Variants in GRM7 observed in about 807,000 individuals in gnomAD.
GRM7 encodes the protein glutamate metabotropic receptor 7.
A neutral mutation model predicts 84.5 loss-of-function variants in GRM7; 35 were observed. The observed-to-expected ratio is 0.41, with a 90% CI of 0.32 to 0.55. The LOEUF is 0.55. GRM7 is among the 20% of genes least tolerant of loss of function. GRM7 has a pLI of 0.19. For missense variants in GRM7, 1,003 were observed against 1,194.6 expected (o/e 0.84, Z 2.36); for synonymous variants, 487 against 455.1 (o/e 1.07, Z -0.89).
chr3:7,509,135 A>C (rs1475892102), intron 7 of GRM7, among the ~76,000 whole-genome samples: 1 of 152,134 alleles, frequency 6.6e-6, no homozygotes, highest in Non-Finnish European at 1.5e-5. Context: ...CCACCCATTC[A>C]TCACTTAGTA....
intron 2 of GRM7, among the ~76,000 whole-genome samples, chr3:7,291,491 TCTCTCTCTCTCTCTCTC>T (rs1559557274): frequency 0.02 from 6 of 294 alleles, no homozygotes; most frequent in East Asian, 0.19. Flanking sequence ...TCATGCCAGC[TCTCTCTCTCTCTCTCTC>T]TCTCTCTCTC....
At chr3:7,534,595 A>C (rs1321214765) in intron 7 of GRM7, among the ~76,000 whole-genome samples, 3 of 152,170 alleles carry the variant, frequency 2.0e-5, no homozygotes, top group Non-Finnish European at 4.4e-5. Flanking sequence ...CAAGTGTCTC[A>C]TTTCACCTTA....
chr3:7,160,871 A>G (rs1694601614), intron 2 of GRM7, among the ~76,000 whole-genome samples: 1 of 152,056 alleles, frequency 6.6e-6, no homozygotes, highest in Non-Finnish European at 1.5e-5. Context: ...GTTTGATTGC[A>G]AACTTGCTAA....
At chr3:7,474,231 A>G (rs533918814) in intron 7 of GRM7, among the ~76,000 whole-genome samples, 1 of 152,298 alleles carries the variant, frequency 6.6e-6, no homozygotes, top group African/African-American at 2.4e-5. Flanking sequence ...AATTGGTGCT[A>G]TCAACATTCT....
At chr3:7,318,546 TA>T (rs1180088378) in intron 4 of GRM7, among the ~76,000 whole-genome samples, 1 of 152,100 alleles carries the variant, frequency 6.6e-6, no homozygotes, top group Non-Finnish European at 1.5e-5. Context: ...AAGTCATTTA[TA>T]AATTTGGAAG....
At position 7,740,475 on chromosome 3, in the gene GRM7, G is replaced by T. The variant is rs1559515142; in HGVS notation, c.*69G>T. 5.5e-6 allele frequency: 5 copies of T among 909,122 alleles called. No homozygotes were observed. The highest frequency in any genetic ancestry group is 8.5e-6 in the Non-Finnish European group (5 of 587,908). The allele number at this position is 909,122 out of a possible 1,614,324, so 56.3% of individuals were successfully genotyped here. A position where few individuals can be genotyped will look rare whatever the true frequency, so the allele number is the denominator to read the frequency against. ...TATTTTGTCACCCAACCTGGCATAG[G>T]ACTCTTTGGTCCTACCCGCTTCCCA... On this transcript the variant is annotated 3_prime_UTR_variant, in exon 10 of 10. Transcript: ENST00000357716.
intron 1 of GRM7, among the ~76,000 whole-genome samples, chr3:7,043,563 A>C (rs1446262954): frequency 6.6e-6 from 1 of 152,210 alleles, no homozygotes; most frequent in African/African-American, 2.4e-5. Flanking sequence ...GTTTCATTTG[A>C]AAGTGTAACT....
intron 1 of GRM7, among the ~76,000 whole-genome samples, chr3:7,102,916 A>G (rs1699164140): frequency 6.6e-6 from 1 of 151,058 alleles, no homozygotes; most frequent in African/African-American, 2.4e-5. Flanking sequence ...TTTCTTTTAT[A>G]TAGTTTTATC....
At chr3:7,661,029 C>T (rs1000275074) in intron 8 of GRM7, among the ~76,000 whole-genome samples, 15 of 152,300 alleles carry the variant, frequency 9.8e-5, no homozygotes, top group African/African-American at 3.4e-4. Context: ...AGAAGAAAAT[C>T]TTCGTGACAC....
intron 2 of GRM7, among the ~76,000 whole-genome samples, chr3:7,271,558 C>T (rs1396070886): frequency 1.5e-5 from 1 of 68,726 alleles, no homozygotes; most frequent in African/African-American, 7.4e-5. Context: ...GAGACCGCCT[C>T]AAATAAAAAA....
At chr3:7,249,751 A>T (rs2124936148) in intron 2 of GRM7, among the ~76,000 whole-genome samples, 1 of 152,332 alleles carries the variant, frequency 6.6e-6, no homozygotes, top group South Asian at 2.1e-4. Flanking sequence ...TGTATTTGTT[A>T]CAATATAGAT....
At chr3:7,405,990 T>A (rs1478387243) in intron 4 of GRM7, among the ~76,000 whole-genome samples, 1 of 151,724 alleles carries the variant, frequency 6.6e-6, no homozygotes. Context: ...TATATAATGG[T>A]AATACTATCA....
At chr3:6,989,584 A>C (rs144692986) in intron 1 of GRM7, among the ~76,000 whole-genome samples, 2 of 152,370 alleles carry the variant, frequency 1.3e-5, no homozygotes, top group East Asian at 3.9e-4. Context: ...ATGAACAACC[A>C]TAATGACAAA....
chr3:7,158,280 C>A (rs148230302), intron 2 of GRM7, among the ~76,000 whole-genome samples: 121 of 152,168 alleles, frequency 8.0e-4, no homozygotes, highest in African/African-American at 2.8e-3. Flanking sequence ...TGCTTTAAAT[C>A]TCTTCCCCAC....
chr3:7,485,110 CTT>C (rs1559355105), intron 7 of GRM7, among the ~76,000 whole-genome samples: 1 of 152,132 alleles, frequency 6.6e-6, no homozygotes, highest in Non-Finnish European at 1.5e-5. Context: ...TGAAATGAAA[CTT>C]AGACCTCACT....
intron 8 of GRM7, among the ~76,000 whole-genome samples, chr3:7,631,084 G>A (rs1224388001): frequency 6.6e-6 from 1 of 152,164 alleles, no homozygotes; most frequent in Non-Finnish European, 1.5e-5. Flanking sequence ...CACCGTGGCC[G>A]CAGGGTCAAA....
At chr3:7,159,596 T>G (rs139568020) in intron 2 of GRM7, among the ~76,000 whole-genome samples, 8 of 152,112 alleles carry the variant, frequency 5.3e-5, no homozygotes, top group Non-Finnish European at 7.3e-5. Flanking sequence ...TCTCCAAACA[T>G]CAATCGAACA....
intron 7 of GRM7, among the ~76,000 whole-genome samples, chr3:7,548,295 C>T (rs1693270354): frequency 6.6e-6 from 1 of 152,196 alleles, no homozygotes; most frequent in South Asian, 2.1e-4. Context: ...CTCTCTCTTG[C>T]TCCCTCTCTT....
At chr3:7,393,779 T>C (rs1559290548) in intron 4 of GRM7, among the ~76,000 whole-genome samples, 1 of 152,170 alleles carries the variant, frequency 6.6e-6, no homozygotes, top group Non-Finnish European at 1.5e-5. Flanking sequence ...GTAGCTTTTT[T>C]CCCAAATTTT....
Sources: allele counts gnomAD v4.1 joint callset (sites outside exome capture counted in the v4.1 genomes callset), GRCh38; gene constraint gnomAD v4.1.1; transcripts MANE v1.5; gene names NCBI Gene and HGNC (gene_info 2026-07-23, HGNC 2026-07-21).